Variants in PHTF2 observed in about 807,000 individuals in gnomAD.
PHTF2 encodes the protein protein PHTF2.
PHTF2 carries 60 observed loss-of-function variants against 101.2 expected under a neutral mutation model. The observed-to-expected ratio is 0.59, with a 90% CI of 0.48 to 0.73. The LOEUF is 0.73. Among genes scored for constraint, PHTF2 ranks in the 30% least tolerant of loss-of-function variants. PHTF2 has a pLI of 0.00. For missense variants in PHTF2, 747 were observed against 908.7 expected (o/e 0.82, Z 2.29); for synonymous variants, 311 against 307.3 (o/e 1.01, Z -0.13).
intron 19 of PHTF2, among the ~76,000 whole-genome samples, 173 bp from the exon 19 acceptor site, chr7:77,954,685 A>C (rs1448602648): frequency 7.0e-6 from 1 of 143,750 alleles, no homozygotes; most frequent in Non-Finnish European, 1.5e-5. Context: ...TCTGATTTTC[A>C]CATTTTTGTT....
At chr7:77,904,132 T>C (rs565860415) in intron 7 of PHTF2, among the ~76,000 whole-genome samples, 1 of 152,210 alleles carries the variant, frequency 6.6e-6, no homozygotes, top group Non-Finnish European at 1.5e-5. Flanking sequence ...CTTCACTAGT[T>C]ATCATTGCTT....
At chr7:77,862,424 T>TA (rs1278430306) in intron 3 of PHTF2, among the ~76,000 whole-genome samples, 39 of 152,326 alleles carry the variant, frequency 2.6e-4, no homozygotes, top group African/African-American at 8.4e-4. Flanking sequence ...TTATTTGAAA[T>TA]ACTGCAGTCA....
At chr7:77,892,162 C>T (rs780301043) in intron 3 of PHTF2, among the ~76,000 whole-genome samples, 58 of 152,112 alleles carry the variant, frequency 3.8e-4, no homozygotes, top group Admixed American at 2.0e-3. Flanking sequence ...TGGTGGCACG[C>T]GCCTGTAGCC....
intron 12 of PHTF2, among the ~76,000 whole-genome samples, chr7:77,930,968 T>A (rs992075700): frequency 6.6e-6 from 1 of 152,196 alleles, no homozygotes; most frequent in Non-Finnish European, 1.5e-5. Context: ...TATAGACATA[T>A]AAACATATAT....
At position 77,809,224 on chromosome 7, in the gene PHTF2, G is replaced by GTTTTTT. The variant is rs34141515; in HGVS notation, c.-36+10268_-36+10273dup. Among the ~76,000 whole-genome samples, 74 of 98,482 alleles carry GTTTTTT rather than the reference G, an allele frequency of 7.5e-4. 2 individuals carry two copies. Among genetic ancestry groups the GTTTTTT allele is most frequent in the African/African-American group, 2.7e-3 (60 of 22,346 alleles). The allele number at this position is 98,482 out of a possible 152,430, so 64.6% of individuals were successfully genotyped here. ...TTTTCCTATATAAACCCAGTTCGTT[G>GTTTTTT]TTTTTTTTTTTTTTTTTTTTGAGAT... On this transcript the variant is annotated intron_variant, in intron 1 of 19. Transcript: ENST00000416283.
chr7:77,871,847 A>G (rs576365435), intron 3 of PHTF2, among the ~76,000 whole-genome samples: 6 of 152,156 alleles, frequency 3.9e-5, no homozygotes, highest in Non-Finnish European at 7.4e-5. Context: ...GTCAAAGGCA[A>G]TGCTGTGTGG....
intron 3 of PHTF2, among the ~76,000 whole-genome samples, chr7:77,866,999 A>G (rs764805338): frequency 1.3e-5 from 2 of 152,184 alleles, no homozygotes; most frequent in Non-Finnish European, 2.9e-5. Flanking sequence ...TAATAGCCAG[A>G]TGACATAATG....
intron 1 of PHTF2, among the ~76,000 whole-genome samples, chr7:77,800,099 C>T (rs1792416078): frequency 6.6e-6 from 1 of 151,734 alleles, no homozygotes; most frequent in Admixed American, 6.6e-5. Context: ...GGGCTTTTTT[C>T]ACCATATTTT....
At chr7:77,824,159 G>A (rs1167764948) in intron 1 of PHTF2, among the ~76,000 whole-genome samples, 1 of 152,004 alleles carries the variant, frequency 6.6e-6, no homozygotes, top group Non-Finnish European at 1.5e-5. Flanking sequence ...GGTGGGAGGT[G>A]GGAAAGGGGA....
chr7:77,926,242 T>G (rs1427167673), intron 11 of PHTF2, among the ~76,000 whole-genome samples: 1 of 152,212 alleles, frequency 6.6e-6, no homozygotes, highest in Non-Finnish European at 1.5e-5. Flanking sequence ...ATCACAAGTT[T>G]TAAATTAGCA....
chr7:77,848,569 C>G (rs995300943), intron 2 of PHTF2, among the ~76,000 whole-genome samples: 1 of 151,982 alleles, frequency 6.6e-6, no homozygotes, highest in Non-Finnish European at 1.5e-5. Context: ...AGATTTTTTT[C>G]CTATAGAGTT....
At chr7:77,929,971 G>A (rs1361399966) in intron 12 of PHTF2, among the ~76,000 whole-genome samples, 19 of 120,212 alleles carry the variant, frequency 1.6e-4, no homozygotes, top group African/African-American at 6.3e-4. Flanking sequence ...TTTTTTTTGA[G>A]ATGGAGTCTG....
At chr7:77,925,976 A>G (rs531138923) in intron 11 of PHTF2, among the ~76,000 whole-genome samples, 2 of 152,032 alleles carry the variant, frequency 1.3e-5, no homozygotes, top group African/African-American at 4.8e-5. Context: ...GAATCACTTG[A>G]ACCCAAGAAG....
intron 3 of PHTF2, among the ~76,000 whole-genome samples, chr7:77,876,679 G>A (rs546501764): frequency 9.2e-5 from 14 of 152,034 alleles, no homozygotes; most frequent in East Asian, 1.9e-4. Flanking sequence ...GATCACTTGC[G>A]CCCAGGAGTT....
chr7:77,910,896 C>T (rs1000594439), intron 9 of PHTF2, among the ~76,000 whole-genome samples: 1 of 152,090 alleles, frequency 6.6e-6, no homozygotes, highest in Admixed American at 6.6e-5. Context: ...TGTGAGCCAC[C>T]GAACCCGGCC....
chr7:77,802,809 A>G (rs1792662141), intron 1 of PHTF2, among the ~76,000 whole-genome samples: 1 of 152,206 alleles, frequency 6.6e-6, no homozygotes, highest in Admixed American at 6.5e-5. Flanking sequence ...GGGATTACAG[A>G]TATAAGCCAC....
chr7:77,891,123 T>G (rs1182520580), intron 3 of PHTF2, among the ~76,000 whole-genome samples: 1 of 149,682 alleles, frequency 6.7e-6, no homozygotes, highest in Non-Finnish European at 1.5e-5. Context: ...TGTTCAGGCT[T>G]GTCTCAAACT....
intron 5 of PHTF2, 193 bp from the exon 5 acceptor site, chr7:77,900,518 T>C (rs755394253): frequency 3.0e-5 from 16 of 532,304 alleles, no homozygotes; most frequent in Non-Finnish European, 5.1e-5. Context: ...TCTCTAAATA[T>C]ATCTTTTTGA....
At chr7:77,823,064 C>A (rs1230676152) in intron 1 of PHTF2, among the ~76,000 whole-genome samples, 1 of 151,356 alleles carries the variant, frequency 6.6e-6, no homozygotes, top group Non-Finnish European at 1.5e-5. Flanking sequence ...GCTACCACGC[C>A]CGGCTAATTT....
Sources: allele counts gnomAD v4.1 joint callset (sites outside exome capture counted in the v4.1 genomes callset), GRCh38; gene constraint gnomAD v4.1.1; transcripts MANE v1.5; gene names NCBI Gene and HGNC (gene_info 2026-07-23, HGNC 2026-07-21).